The following RYR1 variants were observed in gnomAD, a reference collection of about 807,000 sequenced individuals.
The protein encoded by RYR1 is ryanodine receptor 1.
Under a neutral mutation model 583.5 loss-of-function variants are expected in RYR1, and 342 were observed. The observed-to-expected ratio is 0.59, with a 90% confidence interval of 0.54 to 0.64. The LOEUF (loss-of-function observed/expected upper bound fraction) is 0.64, where lower values mean the gene tolerates loss of function less well. Ranked by LOEUF, RYR1 falls within the 30% of genes least tolerant of loss-of-function variation. RYR1 has a pLI of 0.00. For synonymous variants in RYR1, 2,791 were observed against 2,822.5 expected (o/e 0.99, Z 0.35); for missense variants, 6,032 against 6,917.2 (o/e 0.87, Z 4.54).
At chr19:38,464,137 C>T (rs1967951910) in intron 22 of RYR1, among the ~76,000 whole-genome samples, 1 of 151,572 alleles carries the variant, frequency 6.6e-6, no homozygotes, top group African/African-American at 2.4e-5. Flanking sequence ...CTTAGCCGGG[C>T]GTGGTGGTGC....
rs1349866514 is a variant in RYR1 at position 38,485,713 on chromosome 19, C to T, written c.5058C>T (p.Ser1686=). The T allele has an allele frequency of 1.2e-6, 2 of 1,612,152 alleles. No individual in the cohort carries two copies. Among genetic ancestry groups the T allele is most frequent in the Non-Finnish European group, 1.7e-6 (2 of 1,179,912 alleles). ...ATCGCGTGGCGCACGCTCTGTGCAGCCACGTAGACCAAGCTCAGCTGCTGC... is the reference window on the plus strand; with the variant it reads ...ATCGCGTGGCGCACGCTCTGTGCAGTCACGTAGACCAAGCTCAGCTGCTGC... The part of the protein sequence containing the change: ...GNNRVAHALC[S]HVDQAQLLHA... The change falls in exon 34 of 106, where the codon AGC becomes AGT. Residue 1686 remains serine, a synonymous_variant. Transcript: ENST00000359596.
At position 38,492,647 on chromosome 19, in the gene RYR1, G is replaced by T. The variant is rs1969606435; in HGVS notation, c.6274+11G>T. On this transcript the variant is annotated intron_variant, in intron 38 of 105. Transcript: ENST00000359596. ...AGGAGAGCAAACCCCGTGAGGACTGGGGTCACTGGGGAGAGGGCAGGGGTG... is the reference window on the plus strand; with the variant it reads ...AGGAGAGCAAACCCCGTGAGGACTGTGGTCACTGGGGAGAGGGCAGGGGTG... The T allele has an allele frequency of 3.1e-6, 5 of 1,601,360 alleles. No homozygotes were observed. Among genetic ancestry groups the T allele is most frequent in the Non-Finnish European group, 4.3e-6 (5 of 1,173,610 alleles).
At position 38,477,831 on chromosome 19, in the gene RYR1, C is replaced by G. The variant is rs1318296270; in HGVS notation, c.4415C>G (p.Thr1472Arg). 1 of 1,392,864 alleles carries G rather than the reference C, an allele frequency of 7.2e-7. No homozygotes were observed. Among genetic ancestry groups the G allele is most frequent in the Non-Finnish European group, 9.6e-7 (1 of 1,042,376 alleles). 86.3% of individuals were successfully genotyped at this position (1,392,864 alleles called of 1,614,324 possible). Residue 1472 changes from threonine to arginine, a missense_variant, in exon 30 of 106, where the codon ACG becomes AGG. This residue lies in a region of RYR1 where 2,627 missense variants were observed against 2,961.3 expected (regional missense o/e 0.89). Transcript: ENST00000359596. The stretch of plus-strand genomic sequence containing the variant: ...GACCTCAGCAAGGTCCGGGTCGTGA[C>G]GGTGACCATGGGGGATGAACAAGGC... The part of the protein sequence containing the change: ...SFDLSKVRVV[T>R]VTMGDEQGNV...
At chr19:38,439,805 A>G (rs759964836) in intron 1 of RYR1, among the ~76,000 whole-genome samples, 9 of 151,902 alleles carry the variant, frequency 5.9e-5, no homozygotes, top group Non-Finnish European at 1.0e-4. Context: ...CTGCGCCCGG[A>G]CTCAATACTG....
rs777191617 is a variant in RYR1 at position 38,460,503 on chromosome 19, G to C, written c.2489G>C (p.Arg830Pro). The change falls in exon 20 of 106, where the codon CGG becomes CCG. Residue 830 changes from arginine to proline, a missense_variant. Coordinates refer to ENST00000359596, the MANE Select transcript of RYR1 (RefSeq NM_000540.3). ...LHLEPIKEYR[R>P]EGPRGPHLVG... is the part of the protein sequence containing the mutation. ...CTTGAACCCATCAAGGAGTATCGAC[G>C]GGAGGGGCCCCGGGGGCCTCACCTG... is the stretch of plus-strand genomic sequence containing the variant. 1.9e-6 allele frequency: 3 copies of C among 1,614,174 alleles called. No individual in the cohort carries two copies. The highest frequency in any genetic ancestry group is 2.5e-6 in the Non-Finnish European group (3 of 1,180,034).
At chr19:38,568,404 C>T (rs1330728956) in intron 93 of RYR1, among the ~76,000 whole-genome samples, 1 of 152,004 alleles carries the variant, frequency 6.6e-6, no homozygotes, top group Non-Finnish European at 1.5e-5. Context: ...CCAGGGTTCC[C>T]TCCATCCTGT....
Position 38,504,092 on chromosome 19 carries a change from A to C in RYR1, c.7927-128A>C, listed in dbSNP as rs530472560. 5.8e-6 allele frequency: 6 copies of C among 1,031,484 alleles called. No homozygotes were observed. The East Asian group carries it at 1.6e-4, about 27-fold the overall frequency. The allele number at this position is 1,031,484 out of a possible 1,614,324, so 63.9% of individuals were successfully genotyped here. ...CCATTTCTTCCCTTATTAGCATATC[A>C]TTTGCATAACCCACACCTCCTTCAT... is the stretch of plus-strand genomic sequence containing the variant. On this transcript the variant is annotated intron_variant, in intron 49 of 105. Transcript: ENST00000359596.
chr19:38,514,550 G>C (rs1269886888), intron 63 of RYR1, among the ~76,000 whole-genome samples: 1 of 151,878 alleles, frequency 6.6e-6, no homozygotes, highest in African/African-American at 2.4e-5. Flanking sequence ...AAAGTGCTGG[G>C]ATTACAGGCA....
At chr19:38,562,480 C>G (rs1254288091) in intron 90 of RYR1, among the ~76,000 whole-genome samples, 2 of 152,082 alleles carry the variant, frequency 1.3e-5, no homozygotes, top group Non-Finnish European at 2.9e-5. Flanking sequence ...TACTTGCACA[C>G]CCCTTCTTGT....
intron 78 of RYR1, among the ~76,000 whole-genome samples, chr19:38,533,841 G>T (rs1252355651): frequency 6.6e-6 from 1 of 151,590 alleles, no homozygotes; most frequent in African/African-American, 2.4e-5. Context: ...TTGAGAAGTA[G>T]TGATGAACAT....
chr19:38,455,228 A>C lies in RYR1; in HGVS notation c.1441-7A>C, dbSNP rs759513354. 1 of 1,614,042 alleles carries C rather than the reference A, an allele frequency of 6.2e-7. No homozygotes were observed. Among genetic ancestry groups the C allele is most frequent in the Non-Finnish European group, 8.5e-7 (1 of 1,179,958 alleles). Reference sequence around the variant, plus strand: ...TATTGTGATGCCTCTTATTTTCCTCATCCTAGGGGATGCTCTCCATGGTCC... The same window carrying C: ...TATTGTGATGCCTCTTATTTTCCTCCTCCTAGGGGATGCTCTCCATGGTCC... On this transcript the variant is annotated splice_region_variant and splice_polypyrimidine_tract_variant and intron_variant, in intron 13 of 105. Coordinates refer to ENST00000359596, the MANE Select transcript of RYR1 (RefSeq NM_000540.3).
chr19:38,516,608 G>A (rs1466954107), intron 65 of RYR1, among the ~76,000 whole-genome samples: 1 of 152,070 alleles, frequency 6.6e-6, no homozygotes, highest in Non-Finnish European at 1.5e-5. Context: ...ATGGAATTTG[G>A]AGCTATGGAA....
In RYR1 at chr19:38,505,311, C is replaced by A. The variant is rs886038343; in HGVS notation, c.8313C>A (p.Ile2771=). The A allele has an allele frequency of 6.2e-7, 1 of 1,608,990 alleles. No homozygotes were observed. Among genetic ancestry groups the A allele is most frequent in the Non-Finnish European group, 8.5e-7 (1 of 1,176,684 alleles). Residue 2771 remains isoleucine (I), a splice_region_variant and synonymous_variant, in exon 53 of 106, where the codon ATC becomes ATA. Coordinates refer to ENST00000359596, the MANE Select transcript of RYR1 (RefSeq NM_000540.3). ...CCCTGCCTCCCCTCCATCTCTAGAT[C>A]CAGAACAACTGGTCCTATGGAGAGA... The part of the protein sequence containing the change: ...YTHEKWAFDK[I]QNNWSYGENI...
chr19:38,480,043 T>C (rs1968931781), intron 31 of RYR1, among the ~76,000 whole-genome samples: 1 of 151,940 alleles, frequency 6.6e-6, no homozygotes, highest in Non-Finnish European at 1.5e-5. Context: ...AAATGGAGAA[T>C]TAAAAACGTA....
chr19:38,521,119 G>T (rs991133826), intron 67 of RYR1, among the ~76,000 whole-genome samples: 1 of 151,766 alleles, frequency 6.6e-6, no homozygotes, highest in Non-Finnish European at 1.5e-5. Flanking sequence ...TACAAAAAAA[G>T]AAAAGAAATA....
In RYR1 at chr19:38,523,133, C is replaced by A. The variant is rs781733575; in HGVS notation, c.10347+18C>A. 2.5e-6 allele frequency: 4 copies of A among 1,613,470 alleles called. No individual in the cohort carries two copies. The African/African-American group carries it at 5.3e-5, about 22-fold the overall frequency. The stretch of plus-strand genomic sequence containing the variant: ...AGTCCCACGTGAGTGCCCACCCCAA[C>A]CGCCCTCCCCACAACCAGAGGAGCC... On this transcript the variant is annotated intron_variant, in intron 68 of 105. Transcript: ENST00000359596.
chr19:38,437,958 C>A (rs1414573690), intron 1 of RYR1, among the ~76,000 whole-genome samples: 2 of 150,932 alleles, frequency 1.3e-5, no homozygotes, highest in African/African-American at 4.9e-5. Context: ...CTGCACTCCA[C>A]CCCAGGAGAC....
chr19:38,515,630 CA>C (rs200154580), intron 64 of RYR1, among the ~76,000 whole-genome samples: 2 of 151,540 alleles, frequency 1.3e-5, no homozygotes, highest in African/African-American at 2.4e-5. Flanking sequence ...TCCATCTCTA[CA>C]AAAAAAAATT....
At chr19:38,573,422 C>G (rs2057889465) in intron 96 of RYR1, 115 bp downstream of exon 96, 2 of 1,350,844 alleles carry the variant, frequency 1.5e-6, no homozygotes, top group African/African-American at 2.9e-5. Context: ...TGGCTCACAC[C>G]TGTAATCCCG....
Sources: allele counts gnomAD v4.1 joint callset (sites outside exome capture counted in the v4.1 genomes callset), GRCh38; gene constraint gnomAD v4.1.1; regional missense constraint gnomAD v4.1.1; transcripts MANE v1.5; gene names NCBI Gene and HGNC (gene_info 2026-07-23, HGNC 2026-07-21).